The following NFIC variants were observed in gnomAD, a reference collection of about 807,000 sequenced individuals.
NFIC encodes the protein nuclear factor I C, also known as nuclear factor 1 C-type.
In NFIC, 12 loss-of-function variants were observed where a neutral mutation model predicts 54.4. That is an observed-to-expected ratio of 0.22 (90% CI 0.14 to 0.36). NFIC has a LOEUF of 0.36. Among genes scored for constraint, NFIC ranks in the 10% least tolerant of loss-of-function variants. The pLI is 1.00. For synonymous variants in NFIC, 322 were observed against 319.2 expected (o/e 1.01, Z -0.09); for missense variants, 575 against 718.2 (o/e 0.80, Z 2.28).
upstream of NFIC, among the ~76,000 whole-genome samples, chr19:3,362,721 A>G (rs1416895319): frequency 6.6e-6 from 1 of 151,956 alleles, no homozygotes; most frequent in Non-Finnish European, 1.5e-5. Flanking sequence ...TCAGTTTCTC[A>G]TCTGTAAAAT....
chr19:3,380,647 T>C (rs1463804545), intron 1 of NFIC, among the ~76,000 whole-genome samples: 1 of 136,588 alleles, frequency 7.3e-6, no homozygotes, highest in African/African-American at 2.8e-5. Context: ...TTTTTTTTTT[T>C]TTTTGTGACA....
intron 10 of NFIC, 130 bp downstream of exon 10, chr19:3,456,765 A>G (rs2082565266): frequency 2.2e-6 from 2 of 901,080 alleles, no homozygotes; most frequent in Admixed American, 4.5e-5. Flanking sequence ...AGCCTCCCAC[A>G]CCCCACCTGG....
At chr19:3,461,479 T>G (rs543416956) in intron 10 of NFIC, among the ~76,000 whole-genome samples, 2 of 151,542 alleles carry the variant, frequency 1.3e-5, no homozygotes, top group South Asian at 4.2e-4. Flanking sequence ...TCCCAGCACT[T>G]TGGGAGGCCA....
At chr19:3,422,920 G>A (rs977555913) in intron 2 of NFIC, among the ~76,000 whole-genome samples, 2 of 152,056 alleles carry the variant, frequency 1.3e-5, no homozygotes, top group Non-Finnish European at 2.9e-5. Context: ...GATACAGCCA[G>A]GCATGGTGGC....
At chr19:3,365,317 A>G (rs2145417078), upstream of NFIC, among the ~76,000 whole-genome samples, 1 of 152,348 alleles carries the variant, frequency 6.6e-6, no homozygotes, top group South Asian at 2.1e-4. Flanking sequence ...GTCTTTAGTG[A>G]ACATTTGACC....
intron 1 of NFIC, among the ~76,000 whole-genome samples, chr19:3,379,298 T>C (rs2081158596): frequency 6.6e-6 from 1 of 152,014 alleles, no homozygotes; most frequent in Non-Finnish European, 1.5e-5. Flanking sequence ...GACTTCTTGA[T>C]CTGCCCGCCT....
chr19:3,405,303 C>T (rs551018176), intron 2 of NFIC, among the ~76,000 whole-genome samples: 3 of 152,338 alleles, frequency 2.0e-5, no homozygotes, highest in South Asian at 2.1e-4. Flanking sequence ...CCAGATTTTC[C>T]TCCCTGTCCC....
At chr19:3,371,076 G>A (rs1298884169) in intron 1 of NFIC, among the ~76,000 whole-genome samples, 2 of 152,204 alleles carry the variant, frequency 1.3e-5, no homozygotes, top group East Asian at 1.9e-4. Flanking sequence ...ACATCTGCCT[G>A]AAAATCTTGC....
At chr19:3,392,130 G>A (rs1041874885) in intron 2 of NFIC, among the ~76,000 whole-genome samples, 7 of 142,570 alleles carry the variant, frequency 4.9e-5, no homozygotes, top group African/African-American at 1.6e-4. Flanking sequence ...GGAGTGCAGT[G>A]GTGTGATCGT....
intron 2 of NFIC, among the ~76,000 whole-genome samples, chr19:3,418,563 G>A (rs946693297): frequency 3.9e-5 from 6 of 152,130 alleles, no homozygotes; most frequent in Non-Finnish European, 7.4e-5. Flanking sequence ...TTTAAAATGA[G>A]ACGGCTGGCC....
intron 2 of NFIC, among the ~76,000 whole-genome samples, chr19:3,384,961 C>A (rs1419859035): frequency 6.6e-6 from 1 of 151,036 alleles, no homozygotes; most frequent in South Asian, 2.1e-4. Context: ...TGAGCTGATA[C>A]AATTTTGAAG....
intron 6 of NFIC, among the ~76,000 whole-genome samples, chr19:3,447,346 C>T (rs999301792): frequency 2.0e-5 from 3 of 151,224 alleles, no homozygotes; most frequent in Non-Finnish European, 2.9e-5. Flanking sequence ...CCAGGCATTT[C>T]GGCTCCAGAG....
Position 3,366,633 on chromosome 19 carries a change from C to T in NFIC, c.-4C>T, listed in dbSNP as rs966431427. 2 of 1,499,382 alleles carry T rather than the reference C, an allele frequency of 1.3e-6. No homozygotes were observed. Among genetic ancestry groups the T allele is most frequent in the African/African-American group, 2.9e-5 (2 of 67,858 alleles). The allele number at this position is 1,499,382 out of a possible 1,614,324, so 92.9% of individuals were successfully genotyped here. A position where few individuals can be genotyped will look rare whatever the true frequency, so the allele number is the denominator to read the frequency against. On this transcript the variant is annotated 5_prime_UTR_variant, in exon 1 of 11. Transcript: ENST00000443272. The stretch of plus-strand genomic sequence containing the variant: ...CCGGCCCTGCGCCTCCCGCCGCGCC[C>T]GGGATGTATTCGTCCCCGCTCTGCC...
intron 7 of NFIC, among the ~76,000 whole-genome samples, chr19:3,451,889 G>A (rs1200545585): frequency 1.3e-5 from 2 of 151,930 alleles, no homozygotes; most frequent in Non-Finnish European, 2.9e-5. Flanking sequence ...GGCCAAAGTG[G>A]GCGGATCACC....
At chr19:3,423,387 C>T (rs963857943) in intron 2 of NFIC, among the ~76,000 whole-genome samples, 2 of 152,144 alleles carry the variant, frequency 1.3e-5, no homozygotes, top group Non-Finnish European at 2.9e-5. Flanking sequence ...AGTTAGGCGA[C>T]TTGCCTGAGG....
chr19:3,425,918 C>CTTTTTTTTTTTTT (rs869165549), intron 3 of NFIC, among the ~76,000 whole-genome samples: 2 of 54,532 alleles, frequency 3.7e-5, no homozygotes, highest in Non-Finnish European at 6.3e-5. Context: ...CCATGCCTGG[C>CTTTTTTTTTTTTT]TTTTTTTTTT....
chr19:3,366,445 G>A (rs1006623991), upstream of NFIC: 1 of 502,806 alleles, frequency 2.0e-6, no homozygotes, highest in Non-Finnish European at 3.5e-6. Flanking sequence ...GACAGAGAGC[G>A]AGGCGGGCGG....
intron 9 of NFIC, among the ~76,000 whole-genome samples, chr19:3,455,210 T>C (rs2082532803): frequency 6.6e-6 from 1 of 152,242 alleles, no homozygotes; most frequent in South Asian, 2.1e-4. Context: ...GTTGACTGCA[T>C]AGGATCCAGT....
intron 2 of NFIC, among the ~76,000 whole-genome samples, chr19:3,407,937 G>A (rs1261422370): frequency 1.3e-5 from 2 of 152,148 alleles, no homozygotes; most frequent in African/African-American, 2.4e-5. Flanking sequence ...CAGGTCACTC[G>A]TATATTCCAT....
Sources: allele counts gnomAD v4.1 joint callset (sites outside exome capture counted in the v4.1 genomes callset), GRCh38; gene constraint gnomAD v4.1.1; transcripts MANE v1.5; gene names NCBI Gene and HGNC (gene_info 2026-07-23, HGNC 2026-07-21).